RAPGEF5: variants seen among roughly 807,000 people sequenced by gnomAD.
The protein encoded by RAPGEF5 is Rap guanine nucleotide exchange factor 5.
RAPGEF5 carries 65 observed loss-of-function variants against 125.2 expected under a neutral mutation model. That is an observed-to-expected ratio of 0.52 (90% CI 0.43 to 0.64). The LOEUF (loss-of-function observed/expected upper bound fraction) is 0.64. Ranked by LOEUF, RAPGEF5 falls within the 30% of genes least tolerant of loss-of-function variation. RAPGEF5 has a pLI of 0.00. For missense variants in RAPGEF5, 958 were observed against 1,048.1 expected (o/e 0.91, Z 1.19); for synonymous variants, 391 against 385.9 (o/e 1.01, Z -0.16).
Position 22,227,713 on chromosome 7 carries a change from G to A in RAPGEF5, c.870+3133C>T, listed in dbSNP as rs889906652. Among the ~76,000 whole-genome samples the A allele has an allele frequency of 5.3e-5, 8 of 152,128 alleles. No homozygotes were observed. The South Asian group carries it at 1.7e-3, about 32-fold the overall frequency. The stretch of plus-strand genomic sequence containing the variant: ...AAAAATTAGCTGGATATGGTGGTGT[G>A]CACCTGTTGTCCCAGCTACTCAAGA... On this transcript the variant is annotated intron_variant, in intron 8 of 25. Transcript: ENST00000665637.
chr7:22,208,463 A>G (rs897877421), intron 9 of RAPGEF5, among the ~76,000 whole-genome samples: 2 of 152,186 alleles, frequency 1.3e-5, no homozygotes, highest in African/African-American at 4.8e-5. Flanking sequence ...TAAGCTGCTG[A>G]TGGTGGAGAA....
At chr7:22,213,742 C>A (rs990349347) in intron 9 of RAPGEF5, among the ~76,000 whole-genome samples, 1 of 152,164 alleles carries the variant, frequency 6.6e-6, no homozygotes, top group Non-Finnish European at 1.5e-5. Context: ...CTATTATACC[C>A]TAGTTGTGAC....
intron 1 of RAPGEF5, among the ~76,000 whole-genome samples, chr7:22,320,649 T>C (rs1199634275): frequency 6.6e-6 from 1 of 152,176 alleles, no homozygotes; most frequent in Non-Finnish European, 1.5e-5. Context: ...TGGAATCCCT[T>C]GGTTTTGTTT....
At chr7:22,288,494 C>T (rs1408773470) in intron 6 of RAPGEF5, among the ~76,000 whole-genome samples, 1 of 150,964 alleles carries the variant, frequency 6.6e-6, no homozygotes, top group Non-Finnish European at 1.5e-5. Flanking sequence ...CCCACTCATA[C>T]TGATTTTTTA....
intron 23 of RAPGEF5, among the ~76,000 whole-genome samples, chr7:22,134,571 T>C (rs1474665440): frequency 1.3e-5 from 2 of 152,220 alleles, no homozygotes; most frequent in East Asian, 3.8e-4. Context: ...CTAATTAAGT[T>C]AAAGAAATAT....
intron 7 of RAPGEF5, among the ~76,000 whole-genome samples, chr7:22,237,130 C>G (rs1167475403): frequency 6.6e-6 from 1 of 152,232 alleles, no homozygotes; most frequent in Non-Finnish European, 1.5e-5. Flanking sequence ...AATGAAGAGT[C>G]TTCTGAGTCC....
chr7:22,325,752 C>G (rs926175644), intron 1 of RAPGEF5, among the ~76,000 whole-genome samples: 9 of 151,992 alleles, frequency 5.9e-5, no homozygotes, highest in Admixed American at 5.9e-4. Flanking sequence ...TTAGTAGAGA[C>G]GACGTCTCAC....
intron 7 of RAPGEF5, among the ~76,000 whole-genome samples, chr7:22,243,381 C>T (rs887181958): frequency 2.6e-5 from 4 of 152,126 alleles, no homozygotes; most frequent in African/African-American, 9.7e-5. Flanking sequence ...ATCAGCCTCC[C>T]GAGTAGCTGG....
At chr7:22,203,443 CA>C (rs1252190987) in intron 9 of RAPGEF5, among the ~76,000 whole-genome samples, 3 of 152,202 alleles carry the variant, frequency 2.0e-5, no homozygotes, top group Non-Finnish European at 2.9e-5. Context: ...GGTCTTTGGT[CA>C]GGGTGACTGA....
At chr7:22,269,433 T>C (rs2128142351) in intron 6 of RAPGEF5, among the ~76,000 whole-genome samples, 1 of 152,264 alleles carries the variant, frequency 6.6e-6, no homozygotes, top group Non-Finnish European at 1.5e-5. Flanking sequence ...CACATTATCC[T>C]GGGCAATTGA....
intron 12 of RAPGEF5, among the ~76,000 whole-genome samples, chr7:22,165,278 A>T (rs995033529): frequency 6.6e-6 from 1 of 152,222 alleles, no homozygotes; most frequent in African/African-American, 2.4e-5. Context: ...CTAAATTATT[A>T]AATGACAATC....
intron 2 of RAPGEF5, 149 bp downstream of exon 2, chr7:22,317,838 C>T: frequency 9.7e-7 from 1 of 1,025,810 alleles, no homozygotes; most frequent in Non-Finnish European, 1.4e-6. Context: ...TGTGTCATCC[C>T]AGGTGGTGAA....
intron 7 of RAPGEF5, among the ~76,000 whole-genome samples, chr7:22,249,781 G>A (rs114192017): frequency 1.3e-3 from 198 of 152,230 alleles, no homozygotes; most frequent in African/African-American, 4.4e-3. Flanking sequence ...CTAACTCTGC[G>A]GGTCATACAG....
intron 20 of RAPGEF5, among the ~76,000 whole-genome samples, chr7:22,141,896 G>A (rs962629415): frequency 6.6e-6 from 1 of 152,202 alleles, no homozygotes; most frequent in African/African-American, 2.4e-5. Flanking sequence ...ATACCTCCCA[G>A]TCTGTGACTG....
chr7:22,124,616 A>C (rs1669783604), intron 25 of RAPGEF5, among the ~76,000 whole-genome samples: 1 of 152,236 alleles, frequency 6.6e-6, no homozygotes, highest in African/African-American at 2.4e-5. Context: ...ACTTTTCTTG[A>C]GAAGTAGGAC....
intron 9 of RAPGEF5, among the ~76,000 whole-genome samples, chr7:22,201,595 C>G (rs536373168): frequency 1.3e-5 from 2 of 152,166 alleles, no homozygotes; most frequent in African/African-American, 4.8e-5. Flanking sequence ...TCCTACTTGA[C>G]CGAATCCAAT....
At chr7:22,264,205 C>T (rs1419465819) in intron 7 of RAPGEF5, among the ~76,000 whole-genome samples, 1 of 152,222 alleles carries the variant, frequency 6.6e-6, no homozygotes, top group African/African-American at 2.4e-5. Context: ...CTGATTATGT[C>T]CTACAGCCAG....
intron 7 of RAPGEF5, among the ~76,000 whole-genome samples, chr7:22,258,137 G>A (rs936445084): frequency 1.3e-5 from 2 of 152,090 alleles, no homozygotes; most frequent in African/African-American, 4.8e-5. Context: ...AACAAAAAAA[G>A]AGCCAACTAG....
At position 22,286,165 on chromosome 7, in the gene RAPGEF5, TCCC is replaced by T. The variant is rs551653332; in HGVS notation, c.747+5007_747+5009del. Among the ~76,000 whole-genome samples, 1,402 of 151,564 alleles carry T rather than the reference TCCC, an allele frequency of 9.3e-3. 9 individuals carry two copies. Among genetic ancestry groups the T allele is most frequent in the Non-Finnish European group, 0.014 (978 of 67,866 alleles). ...CGGATCAGAAGAGAGAGACATAAAT[TCCC>T]CCCCACCACCACCGGGTTAATGTTT... On this transcript the variant is annotated intron_variant, in intron 6 of 25. Coordinates refer to ENST00000665637, the MANE Select transcript of RAPGEF5 (RefSeq NM_012294.5).
Sources: allele counts gnomAD v4.1 joint callset (sites outside exome capture counted in the v4.1 genomes callset), GRCh38; gene constraint gnomAD v4.1.1; transcripts MANE v1.5; gene names NCBI Gene and HGNC (gene_info 2026-07-23, HGNC 2026-07-21).